The following ANKRD62 variants were observed in gnomAD, a reference collection of about 807,000 sequenced individuals.
ANKRD62 encodes ankyrin repeat domain-containing protein 62.
Under a neutral mutation model 98.8 loss-of-function variants are expected in ANKRD62, and 61 were observed. The ratio of observed to expected loss-of-function variants is 0.62; its 90% CI spans 0.50 to 0.76. ANKRD62 has a LOEUF of 0.76. Among genes scored for constraint, ANKRD62 ranks in the 30% least tolerant of loss-of-function variants. The probability of loss-of-function intolerance (pLI) is 0.00; values close to 1 mark genes in which losing one functional copy is unlikely to be tolerated. For synonymous variants in ANKRD62, 341 were observed against 367.9 expected, an observed-to-expected ratio of 0.93 and a Z score of 0.84; for missense variants, 933 against 1,082.9, an observed-to-expected ratio of 0.86 and a Z score of 1.94.
intron 7 of ANKRD62, among the ~76,000 whole-genome samples, chr18:12,106,455 AT>A (rs1909415447): frequency 6.6e-6 from 1 of 152,192 alleles, no homozygotes; most frequent in Non-Finnish European, 1.5e-5. Flanking sequence ...TACACTTTTA[AT>A]TCTTCTGATT....
downstream of ANKRD62, among the ~76,000 whole-genome samples, chr18:12,134,206 G>T (rs921142086): frequency 1.3e-5 from 2 of 152,148 alleles, no homozygotes; most frequent in African/African-American, 2.4e-5. Context: ...AATGGCATAA[G>T]ATACCAACAG....
chr18:12,100,219 G>A (rs1341115302), intron 6 of ANKRD62, among the ~76,000 whole-genome samples: 1 of 151,984 alleles, frequency 6.6e-6, no homozygotes, highest in Non-Finnish European at 1.5e-5. Flanking sequence ...AGTTAATTAA[G>A]ACATATTAGT....
intron 8 of ANKRD62, 145 bp downstream of exon 8, chr18:12,107,612 T>A: frequency 1.8e-6 from 1 of 563,898 alleles, no homozygotes; most frequent in Non-Finnish European, 2.7e-6. Flanking sequence ...AAATGCAAAT[T>A]AACAAGCAAT....
At chr18:12,106,926 G>A (rs1909425737) in intron 7 of ANKRD62, among the ~76,000 whole-genome samples, 1 of 152,128 alleles carries the variant, frequency 6.6e-6, no homozygotes, top group Admixed American at 6.6e-5. Context: ...ACTCCAGGAG[G>A]TAAAGATAGA....
chr18:12,131,118 A>C (rs1909997255), downstream of ANKRD62, among the ~76,000 whole-genome samples: 1 of 152,216 alleles, frequency 6.6e-6, no homozygotes, highest in South Asian at 2.1e-4. Context: ...AAAAAGTTTC[A>C]AATTGTACAG....
At chr18:12,099,574 T>C (rs1406824050) in intron 5 of ANKRD62, 41 bp from the exon 6 acceptor site, 2 of 1,284,048 alleles carry the variant, frequency 1.6e-6, no homozygotes, top group South Asian at 1.6e-5. Flanking sequence ...TTCATATCAG[T>C]ATTAAAATAG....
In ANKRD62 at chr18:12,094,199, G is replaced by A. The variant is rs574417421; in HGVS notation, c.182G>A (p.Arg61Lys). 7.2e-6 allele frequency: 11 copies of A among 1,530,854 alleles called. No individual in the cohort carries two copies. The South Asian group carries it at 8.4e-5, about 12-fold the overall frequency. The allele number at this position is 1,530,854 out of a possible 1,614,324, so 94.8% of individuals were successfully genotyped here. The change falls in exon 1 of 14, where the codon AGG (arginine) becomes AAG (lysine). Residue 61 changes from arginine to lysine, a missense_variant. Around this residue, in one of 3 missense-constraint regions of ANKRD62, gnomAD observed 549 missense variants for 587.9 expected, o/e 0.93. Transcript: ENST00000587848. ...AAGGTGATGGAGAGCATCTTGCTCAGGCTGAATGACTTGAACGACAGGGAC... is the reference window on the plus strand; with the variant it reads ...AAGGTGATGGAGAGCATCTTGCTCAAGCTGAATGACTTGAACGACAGGGAC... Reference protein sequence around the residue: ...VNKVMESILLRLNDLNDRDKK... With the variant: ...VNKVMESILLKLNDLNDRDKK...
chr18:12,122,660 A>C (rs1909805723), intron 11 of ANKRD62, 144 bp downstream of exon 11: 1 of 673,314 alleles, frequency 1.5e-6, no homozygotes, highest in Non-Finnish European at 2.3e-6. Flanking sequence ...TTTTTGGATA[A>C]AAAATCACAA....
At chr18:12,136,724 C>G in the ANKRD62 span, among the ~76,000 whole-genome samples, 1 of 152,276 alleles carries the variant, frequency 6.6e-6, no homozygotes, top group South Asian at 2.1e-4. Flanking sequence ...TTTCGTTGAG[C>G]AGTGGTTTGT....
intron 3 of ANKRD62, among the ~76,000 whole-genome samples, chr18:12,095,903 C>T (rs1177956373): frequency 6.6e-6 from 1 of 152,172 alleles, no homozygotes; most frequent in Non-Finnish European, 1.5e-5. Context: ...TAAAGGATCA[C>T]ATCTGGATTC....
Position 12,102,240 on chromosome 18 carries a change from C to T in ANKRD62, c.821-918C>T. 5 of 778,976 alleles carry T rather than the reference C, an allele frequency of 6.4e-6. No individual in the cohort carries two copies. In the South Asian group the frequency reaches 6.7e-5, roughly 10 times the overall value. 48.3% of individuals were successfully genotyped at this position (778,976 alleles called of 1,614,324 possible). A position where few individuals can be genotyped will look rare whatever the true frequency, so the allele number is the denominator to read the frequency against. On this transcript the variant is annotated intron_variant, in intron 6 of 13. Coordinates refer to ENST00000587848, the MANE Select transcript of ANKRD62 (RefSeq NM_001277333.2). The stretch of plus-strand genomic sequence containing the variant: ...ATTCAAATAAGCAGCTGGAAGCAGG[C>T]CCAGGAGCAAAACACTGACGACCCT...
intron 7 of ANKRD62, among the ~76,000 whole-genome samples, chr18:12,104,151 T>A (rs1352461089): frequency 6.6e-6 from 1 of 152,124 alleles, no homozygotes; most frequent in Middle Eastern, 3.2e-3. Context: ...TTATTTTCAT[T>A]TTTGGTAAAT....
chr18:12,137,803 T>A, the ANKRD62 span, among the ~76,000 whole-genome samples: 11 of 152,210 alleles, frequency 7.2e-5, no homozygotes, highest in Non-Finnish European at 1.6e-4. Context: ...AATTTATCTA[T>A]TTCTTCTTGA....
the ANKRD62 span, among the ~76,000 whole-genome samples, chr18:12,140,676 G>A: frequency 7.2e-5 from 11 of 152,170 alleles, no homozygotes; most frequent in Admixed American, 2.0e-4. Context: ...TTGGTGAATC[G>A]CAAATGCTGC....
At chr18:12,101,792 C>T (rs1909304832) in intron 6 of ANKRD62, among the ~76,000 whole-genome samples, 1 of 152,208 alleles carries the variant, frequency 6.6e-6, no homozygotes, top group South Asian at 2.1e-4. Context: ...AAAACTCAGT[C>T]TCACAATTTC....
At chr18:12,138,839 T>A in the ANKRD62 span, among the ~76,000 whole-genome samples, 4 of 152,322 alleles carry the variant, frequency 2.6e-5, no homozygotes, top group Admixed American at 2.0e-4. Context: ...GTTTAAAGTC[T>A]GTTTTATCAG....
At chr18:12,153,103 G>A in the ANKRD62 span, among the ~76,000 whole-genome samples, 5 of 152,218 alleles carry the variant, frequency 3.3e-5, no homozygotes, top group East Asian at 1.9e-4. Flanking sequence ...CAAAGGAGGC[G>A]AAAGAGCTCT....
At chr18:12,156,087 C>T in the ANKRD62 span, among the ~76,000 whole-genome samples, 4 of 151,120 alleles carry the variant, frequency 2.6e-5, no homozygotes, top group Admixed American at 2.6e-4. Flanking sequence ...TTCCCCCCTC[C>T]CTCTCCCTCC....
At chr18:12,140,079 C>T in the ANKRD62 span, among the ~76,000 whole-genome samples, 910 of 152,246 alleles carry the variant, frequency 6.0e-3, 9 homozygotes, top group African/African-American at 0.015. Context: ...CTTTTCTTCA[C>T]GCTTCATATC....
Sources: allele counts gnomAD v4.1 joint callset (sites outside exome capture counted in the v4.1 genomes callset), GRCh38; gene constraint gnomAD v4.1.1; regional missense constraint gnomAD v4.1.1; transcripts MANE v1.5; gene names NCBI Gene and HGNC (gene_info 2026-07-23, HGNC 2026-07-21).